TRIM2: variants seen among roughly 807,000 people sequenced by gnomAD.
TRIM2 encodes the protein tripartite motif-containing protein 2.
In TRIM2, 20 loss-of-function variants were observed where a neutral mutation model predicts 75.2. That is an observed-to-expected ratio of 0.27 (90% CI 0.19 to 0.39). The LOEUF is 0.39. Among genes scored for constraint, TRIM2 ranks in the 10% least tolerant of loss-of-function variants. The pLI is 1.00. For synonymous variants in TRIM2, 373 were observed against 388.3 expected, an observed-to-expected ratio of 0.96 and a Z score of 0.46; for missense variants, 660 against 990.8, an observed-to-expected ratio of 0.67 and a Z score of 4.48.
rs1016577530 is a variant in TRIM2, at chr4:153,230,782, G to T, written c.30+26222G>T. ...TTAGTTATGAAATTTACTGGCCCCT[G>T]TGGCACAAATCTAGAAGAACCAGCT... On this transcript the variant is annotated intron_variant, in intron 1 of 11. Transcript: ENST00000338700. Among the ~76,000 whole-genome samples the T allele has an allele frequency of 1.1e-4, 17 of 152,256 alleles. No individual in the cohort carries two copies. In the East Asian group the frequency reaches 3.1e-3, roughly 28 times the overall value.
intron 6 of TRIM2, among the ~76,000 whole-genome samples, chr4:153,298,302 C>T (rs2150155886): frequency 6.6e-6 from 1 of 152,284 alleles, no homozygotes; most frequent in Middle Eastern, 3.4e-3. Context: ...AAATGATAGA[C>T]ATTTATTTTC....
At chr4:153,166,180 T>C (rs1306054328) in intron 1 of TRIM2, among the ~76,000 whole-genome samples, 3 of 152,198 alleles carry the variant, frequency 2.0e-5, no homozygotes, top group Non-Finnish European at 2.9e-5. Context: ...AGATACTAAA[T>C]ATAGTGAATT....
At chr4:153,155,218 C>T (rs753495968) in intron 1 of TRIM2, among the ~76,000 whole-genome samples, 7 of 152,134 alleles carry the variant, frequency 4.6e-5, no homozygotes, top group Non-Finnish European at 5.9e-5. Context: ...GATTTTTGCA[C>T]ATGAGTTTCT....
At chr4:153,171,469 C>A (rs993137622) in intron 1 of TRIM2, among the ~76,000 whole-genome samples, 6 of 152,106 alleles carry the variant, frequency 3.9e-5, no homozygotes, top group African/African-American at 1.4e-4. Flanking sequence ...GCCTGTAATC[C>A]CAGCTACTTG....
chr4:153,298,929 G>C (rs1361147547), intron 6 of TRIM2, among the ~76,000 whole-genome samples: 1 of 151,772 alleles, frequency 6.6e-6, no homozygotes, highest in Non-Finnish European at 1.5e-5. Context: ...TTTAGGGGTT[G>C]GGTCTCGCCA....
chr4:153,303,437 T>A (rs1403563719), intron 6 of TRIM2, among the ~76,000 whole-genome samples: 1 of 149,706 alleles, frequency 6.7e-6, no homozygotes, highest in East Asian at 2.0e-4. Context: ...CTTGCCACTG[T>A]ACTCCAGCCT....
chr4:153,163,180 G>T (rs1399978752), intron 1 of TRIM2, among the ~76,000 whole-genome samples: 1 of 152,080 alleles, frequency 6.6e-6, no homozygotes, highest in East Asian at 1.9e-4. Context: ...TCCATTTCTA[G>T]ATTTACATCA....
intron 1 of TRIM2, chr4:153,257,617 T>A: frequency 7.8e-7 from 1 of 1,285,564 alleles, no homozygotes; most frequent in Non-Finnish European, 1.0e-6. Context: ...GGTAGGGAAT[T>A]TTAACCAGTC....
intron 6 of TRIM2, 118 bp downstream of exon 6, chr4:153,296,154 G>T (rs181758830): frequency 7.8e-7 from 1 of 1,278,588 alleles, no homozygotes; most frequent in Non-Finnish European, 1.0e-6. Flanking sequence ...GGTGTTAGGA[G>T]ATGTACTGCT....
chr4:153,331,831 A>G (rs1302200879), intron 11 of TRIM2, among the ~76,000 whole-genome samples: 1 of 152,220 alleles, frequency 6.6e-6, no homozygotes, highest in Non-Finnish European at 1.5e-5. Flanking sequence ...AGAATCTAGA[A>G]ATTGCTCCCA....
Position 153,294,497 on chromosome 4 carries a change from A to G in TRIM2, c.786+12A>G, listed in dbSNP as rs1419534372. On this transcript the variant is annotated intron_variant, in intron 5 of 11. Coordinates refer to ENST00000338700, the MANE Select transcript of TRIM2 (RefSeq NM_015271.5). ...GCCTCAAACACAAAGTAAGACCAGA[A>G]TCATTACAGATGTCCTGGAAGAGAC... is the stretch of plus-strand genomic sequence containing the variant. The G allele has an allele frequency of 1.9e-6, 3 of 1,611,174 alleles. No homozygotes were observed. Among genetic ancestry groups the G allele is most frequent in the Non-Finnish European group, 2.5e-6 (3 of 1,178,054 alleles).
intron 1 of TRIM2, among the ~76,000 whole-genome samples, chr4:153,233,746 AGAAG>A (rs1242540732): frequency 1.3e-5 from 2 of 152,174 alleles, no homozygotes; most frequent in Admixed American, 6.5e-5. Context: ...CCTATGAAGT[AGAAG>A]GAAGGATGGA....
chr4:153,188,068 C>T (rs1732790635), intron 1 of TRIM2, among the ~76,000 whole-genome samples: 1 of 152,226 alleles, frequency 6.6e-6, no homozygotes, highest in African/African-American at 2.4e-5. Context: ...ATCTGCCCTT[C>T]AGGTTCCTAG....
At chr4:153,272,302 C>T (rs1187252359) in intron 2 of TRIM2, among the ~76,000 whole-genome samples, 1 of 151,978 alleles carries the variant, frequency 6.6e-6, no homozygotes, top group Non-Finnish European at 1.5e-5. Flanking sequence ...GTGCCTGCCA[C>T]CACGCCCAGC....
At chr4:153,262,115 G>A (rs1213775968) in intron 1 of TRIM2, among the ~76,000 whole-genome samples, 1 of 152,178 alleles carries the variant, frequency 6.6e-6, no homozygotes, top group Non-Finnish European at 1.5e-5. Context: ...TCATGCATAT[G>A]TGTCTGTAAT....
intron 1 of TRIM2, among the ~76,000 whole-genome samples, chr4:153,224,431 G>A (rs550294866): frequency 2.9e-4 from 44 of 152,320 alleles, no homozygotes; most frequent in African/African-American, 1.1e-3. Flanking sequence ...GCTAGGTACA[G>A]AACACCACAT....
chr4:153,275,683 CA>C (rs1757852834), intron 2 of TRIM2, among the ~76,000 whole-genome samples: 1 of 152,226 alleles, frequency 6.6e-6, no homozygotes, highest in Non-Finnish European at 1.5e-5. Flanking sequence ...AAGTCAATGA[CA>C]TTTTTTATTT....
Position 153,337,240 on chromosome 4 carries a change from C to T in TRIM2, c.*2274C>T. 1 of 985,636 alleles carries T rather than the reference C, an allele frequency of 1.0e-6. No individual in the cohort carries two copies. Among genetic ancestry groups the T allele is most frequent in the Non-Finnish European group, 1.2e-6 (1 of 829,914 alleles). The allele number at this position is 985,636 out of a possible 1,614,324, so 61.1% of individuals were successfully genotyped here. A position where few individuals can be genotyped will look rare whatever the true frequency, so the allele number is the denominator to read the frequency against. On this transcript the variant is annotated 3_prime_UTR_variant, in exon 12 of 12. Transcript: ENST00000338700. ...TTATTTAGATTCTTTCTGTCCCAGG[C>T]TGTTGATCTTAAAACTAGTTGATTT...
chr4:153,271,112 A>T (rs1756568965), intron 2 of TRIM2, among the ~76,000 whole-genome samples: 1 of 152,188 alleles, frequency 6.6e-6, no homozygotes, highest in African/African-American at 2.4e-5. Context: ...GTTTTTGGAG[A>T]GGGGCGTTAA....
Sources: gnomAD v4.1 joint callset for allele counts (sites outside exome capture counted in the v4.1 genomes callset) on GRCh38, gnomAD v4.1.1 for gene constraint, MANE v1.5 for transcripts, NCBI Gene and HGNC (gene_info 2026-07-23, HGNC 2026-07-21) for gene names.